Variants in DNAH14 observed in about 807,000 individuals in gnomAD.
DNAH14 encodes the protein axonemal beta dynein heavy chain 14.
In DNAH14, 478 loss-of-function variants were observed where a neutral mutation model predicts 520.9. The ratio of observed to expected loss-of-function variants is 0.92; its 90% CI spans 0.85 to 0.99. The LOEUF is 0.99. Among genes scored for constraint, DNAH14 ranks in the 50% least tolerant of loss-of-function variants. DNAH14 has a pLI of 0.00. For synonymous variants in DNAH14, 1,581 were observed against 1,757.2 expected, an observed-to-expected ratio of 0.90 and a Z score of 2.51; for missense variants, 4,831 against 5,234.5, an observed-to-expected ratio of 0.92 and a Z score of 2.38.
chr1:225,266,468 T>C (rs1297559709), intron 48 of DNAH14, among the ~76,000 whole-genome samples, 173 bp from the exon 49 acceptor site: 2 of 152,266 alleles, frequency 1.3e-5, no homozygotes, highest in African/African-American at 4.8e-5. Flanking sequence ...CCAAATAGAA[T>C]TCATTCTGCT....
chr1:225,057,771 C>T (rs1025386315), intron 17 of DNAH14, among the ~76,000 whole-genome samples: 4 of 152,174 alleles, frequency 2.6e-5, no homozygotes, highest in Non-Finnish European at 4.4e-5. Context: ...GCCTTTTCTA[C>T]ATCTATTGAG....
At chr1:224,966,013 A>G (rs989254766) in intron 5 of DNAH14, among the ~76,000 whole-genome samples, 1 of 152,156 alleles carries the variant, frequency 6.6e-6, no homozygotes, top group African/African-American at 2.4e-5. Context: ...AATTATATAT[A>G]TGATCTATTT....
chr1:224,960,410 C>CT lies in DNAH14; in HGVS notation c.367+109dup, dbSNP rs150480647. 0.01 allele frequency: 12,654 copies of CT among 1,224,494 alleles called. 714 individuals are homozygous for CT. The African/African-American group carries it at 0.14, about 13-fold the overall frequency. The allele number at this position is 1,224,494 out of a possible 1,614,324, so 75.9% of individuals were successfully genotyped here. Reference sequence around the variant, plus strand: ...ACTGACTTTAGAAAAAACAGTCTTACTGAATTTTATGTGTTTGGTTGCTTA... The same window carrying CT: ...ACTGACTTTAGAAAAAACAGTCTTACTTGAATTTTATGTGTTTGGTTGCTTA... On this transcript the variant is annotated intron_variant, in intron 4 of 85. Transcript: ENST00000682510.
In DNAH14 at chr1:225,061,206, G is replaced by A. The variant is rs530933174; in HGVS notation, c.2424+9411G>A. ...TGCTTTGTTTACCTACTCAAGCCTC[G>A]GCAATGGCAGGTGCCCCTCCCCTAG... On this transcript the variant is annotated intron_variant, in intron 17 of 85. Transcript: ENST00000682510. Among the ~76,000 whole-genome samples the A allele has an allele frequency of 4.9e-3, 752 of 152,254 alleles. 3 individuals are homozygous for A. Among genetic ancestry groups the A allele is most frequent in the Non-Finnish European group, 8.4e-3 (574 of 68,028 alleles).
chr1:225,380,305 T>C lies in DNAH14; in HGVS notation c.12863T>C (p.Leu4288Pro). The change falls in exon 80 of 86, where the codon CTT (leucine) becomes CCT (proline). Residue 4288 changes from leucine (L) to proline (P), a missense_variant. Coordinates refer to ENST00000682510, the MANE Select transcript of DNAH14 (RefSeq NM_001367479.1). The stretch of plus-strand genomic sequence containing the variant: ...ATGTCAAGCTCCATTTGGGAGTCTC[T>C]TTCTAAAAATCTCAAAGGTGAGCAT... ...SMMSSSIWES[L>P]SKNLKDHDPL... The C allele has an allele frequency of 6.4e-7, 1 of 1,551,380 alleles. No homozygotes were observed. The highest frequency in any genetic ancestry group is 8.7e-7 in the Non-Finnish European group (1 of 1,146,858).
At chr1:224,966,527 G>C (rs962949833) in intron 5 of DNAH14, among the ~76,000 whole-genome samples, 1 of 151,986 alleles carries the variant, frequency 6.6e-6, no homozygotes, top group Non-Finnish European at 1.5e-5. Flanking sequence ...TTTCCTTAAT[G>C]TGGAATGGCT....
chr1:225,045,782 G>C (rs1226610094), intron 15 of DNAH14, among the ~76,000 whole-genome samples: 1 of 152,030 alleles, frequency 6.6e-6, no homozygotes, highest in African/African-American at 2.4e-5. Context: ...AGTCATGTCT[G>C]CCAGGTTTCT....
chr1:225,118,625 G>A (rs1281105259), intron 25 of DNAH14, among the ~76,000 whole-genome samples: 1 of 152,132 alleles, frequency 6.6e-6, no homozygotes, highest in East Asian at 1.9e-4. Context: ...GCTCAAGCCT[G>A]TAATCCCGAC....
At position 225,290,687 on chromosome 1, in the gene DNAH14, ATATATATT is replaced by A. The variant is rs1425386808; in HGVS notation, c.8469+607_8469+614del. Among the ~76,000 whole-genome samples, 51 of 110,588 alleles carry A rather than the reference ATATATATT, an allele frequency of 4.6e-4. 1 individual carries two copies. Among genetic ancestry groups the A allele is most frequent in the Non-Finnish European group, 2.1e-4 (11 of 52,470 alleles). The allele number at this position is 110,588 out of a possible 152,430, so 72.6% of individuals were successfully genotyped here. A position where few individuals can be genotyped will look rare whatever the true frequency, so the allele number is the denominator to read the frequency against. ...TATATATATATATATATATATATATATATATATTTCCTCCAAGTCTGTGGCTTGTCTAT... is the reference window on the plus strand; with the variant it reads ...TATATATATATATATATATATATATATCCTCCAAGTCTGTGGCTTGTCTAT... On this transcript the variant is annotated intron_variant, in intron 55 of 85. Coordinates refer to ENST00000682510, the MANE Select transcript of DNAH14 (RefSeq NM_001367479.1).
At chr1:225,290,868 G>T (rs969474929) in intron 55 of DNAH14, among the ~76,000 whole-genome samples, 2 of 151,122 alleles carry the variant, frequency 1.3e-5, no homozygotes, top group African/African-American at 2.4e-5. Flanking sequence ...TCATTTTTGT[G>T]TTAGGAGCAT....
intron 8 of DNAH14, among the ~76,000 whole-genome samples, chr1:224,994,876 C>T (rs2063296139): frequency 6.6e-6 from 1 of 152,068 alleles, no homozygotes; most frequent in Admixed American, 6.6e-5. Flanking sequence ...CATAAAACAT[C>T]TTATGCCTGT....
chr1:225,068,440 T>C (rs1177701091), intron 17 of DNAH14, among the ~76,000 whole-genome samples: 1 of 152,186 alleles, frequency 6.6e-6, no homozygotes, highest in East Asian at 1.9e-4. Context: ...GTTCTTTTTC[T>C]GGTTTCACTT....
chr1:225,354,055 T>A (rs1192967364), intron 73 of DNAH14, 167 bp downstream of exon 73: 7 of 678,702 alleles, frequency 1.0e-5, no homozygotes, highest in Non-Finnish European at 1.6e-5. Context: ...TAATGCTTCT[T>A]TCATGTGGAG....
chr1:225,189,863 C>T (rs1050340962), intron 37 of DNAH14, among the ~76,000 whole-genome samples: 2 of 151,766 alleles, frequency 1.3e-5, no homozygotes, highest in Non-Finnish European at 2.9e-5. Context: ...TTCTCAATTC[C>T]TCCAAAATTG....
chr1:225,047,768 T>C (rs2068094736), intron 15 of DNAH14, among the ~76,000 whole-genome samples: 1 of 152,242 alleles, frequency 6.6e-6, no homozygotes, highest in African/African-American at 2.4e-5. Flanking sequence ...AATGTAACCT[T>C]AACAGTTTCC....
intron 35 of DNAH14, 146 bp from the exon 36 acceptor site, chr1:225,167,791 CAG>C: frequency 2.2e-6 from 1 of 462,256 alleles, no homozygotes; most frequent in Non-Finnish European, 3.9e-6. Context: ...TTACTATTCT[CAG>C]AGACAGAGGT....
chr1:225,029,494 G>A (rs2066374356), intron 11 of DNAH14, among the ~76,000 whole-genome samples: 1 of 151,980 alleles, frequency 6.6e-6, no homozygotes, highest in Non-Finnish European at 1.5e-5. Flanking sequence ...TAACTTGTCA[G>A]ATACTTTGTT....
chr1:224,960,403 A>G, intron 4 of DNAH14, 101 bp downstream of exon 4: 1 of 1,256,870 alleles, frequency 8.0e-7, no homozygotes, highest in Non-Finnish European at 1.1e-6. Context: ...TAGAAAAAAC[A>G]GTCTTACTGA....
At chr1:225,288,485 A>G (rs902779839) in intron 54 of DNAH14, among the ~76,000 whole-genome samples, 4 of 152,254 alleles carry the variant, frequency 2.6e-5, no homozygotes, top group Non-Finnish European at 4.4e-5. Flanking sequence ...TTCAGTTAAT[A>G]ATAATATATC....
Sources: gnomAD v4.1 joint callset for allele counts (sites outside exome capture counted in the v4.1 genomes callset) on GRCh38, gnomAD v4.1.1 for gene constraint, MANE v1.5 for transcripts, NCBI Gene and HGNC (gene_info 2026-07-23, HGNC 2026-07-21) for gene names.